Variants in BRINP3 observed in about 807,000 individuals in gnomAD.
The protein encoded by BRINP3 is BMP/retinoic acid-inducible neural-specific protein 3.
BRINP3 carries 19 observed loss-of-function variants against 71.0 expected under a neutral mutation model. The observed-to-expected ratio is 0.27, with a 90% CI of 0.19 to 0.39. The LOEUF (loss-of-function observed/expected upper bound fraction) is 0.39, where lower values mean the gene tolerates loss of function less well. Ranked by LOEUF, BRINP3 falls within the 10% of genes least tolerant of loss-of-function variation. BRINP3 has a pLI of 1.00. For missense variants in BRINP3, 959 were observed against 940.8 expected (o/e 1.02, Z -0.25); for synonymous variants, 380 against 337.7 (o/e 1.13, Z -1.37).
At chr1:190,126,543 C>A (rs755639617) in intron 7 of BRINP3, among the ~76,000 whole-genome samples, 24 of 151,902 alleles carry the variant, frequency 1.6e-4, no homozygotes, top group Non-Finnish European at 2.5e-4. Context: ...AAGCAAGACA[C>A]CTCAGTATTA....
At chr1:190,301,692 G>T (rs1215743573) in intron 2 of BRINP3, among the ~76,000 whole-genome samples, 1 of 151,820 alleles carries the variant, frequency 6.6e-6, no homozygotes, top group Non-Finnish European at 1.5e-5. Context: ...AACTATTTCT[G>T]TGTAATTACA....
chr1:190,249,624 C>T (rs1159768563), intron 4 of BRINP3, among the ~76,000 whole-genome samples: 1 of 151,862 alleles, frequency 6.6e-6, no homozygotes, highest in East Asian at 1.9e-4. Flanking sequence ...TTTACATCAT[C>T]ATTTTCAATG....
Position 190,300,860 on chromosome 1 carries a change from A to C in BRINP3, c.237-19110T>G, listed in dbSNP as rs546815937. On this transcript the variant is annotated intron_variant, in intron 2 of 7. Coordinates refer to ENST00000367462, the MANE Select transcript of BRINP3 (RefSeq NM_199051.3). The stretch of plus-strand genomic sequence containing the variant: ...AGCAGAAAAACTGGAAACTCTAAAA[A>C]GCAGAGCACCTCTCCTCCTCCAAAG... Among the ~76,000 whole-genome samples the C allele has an allele frequency of 7.2e-5, 11 of 152,172 alleles. No individual in the cohort carries two copies. The South Asian group carries it at 8.3e-4, about 11-fold the overall frequency.
At chr1:190,262,659 C>A (rs1661287570) in intron 4 of BRINP3, among the ~76,000 whole-genome samples, 1 of 152,282 alleles carries the variant, frequency 6.6e-6, no homozygotes, top group African/African-American at 2.4e-5. Context: ...AATGGGCATT[C>A]CCCGTGGCCC....
intron 2 of BRINP3, among the ~76,000 whole-genome samples, chr1:190,378,714 T>A (rs1670333305): frequency 6.6e-6 from 1 of 152,162 alleles, no homozygotes; most frequent in South Asian, 2.1e-4. Flanking sequence ...TCCAGTAAAT[T>A]TTTTTGCAAA....
chr1:190,341,166 G>C (rs946943073), intron 2 of BRINP3, among the ~76,000 whole-genome samples: 11 of 151,770 alleles, frequency 7.2e-5, no homozygotes, highest in Non-Finnish European at 1.6e-4. Context: ...AAAGCAATCA[G>C]CCACTAGTTA....
intron 6 of BRINP3, chr1:190,217,168 C>T (rs190247311): frequency 1.3e-5 from 2 of 151,954 alleles, no homozygotes; most frequent in East Asian, 3.9e-4. Flanking sequence ...CACATAATTC[C>T]AAAGCTTTCC....
At chr1:190,404,896 G>A (rs1672161984) in intron 2 of BRINP3, among the ~76,000 whole-genome samples, 1 of 152,002 alleles carries the variant, frequency 6.6e-6, no homozygotes, top group Non-Finnish European at 1.5e-5. Context: ...TTGTCAACTG[G>A]CTTTAATTTC....
At chr1:190,110,606 A>G (rs16832034) in intron 7 of BRINP3, among the ~76,000 whole-genome samples, 13,840 of 152,190 alleles carry the variant, frequency 0.091, 890 homozygotes, top group African/African-American at 0.17. Flanking sequence ...TTAAAGCCAG[A>G]TGACTGTTGG....
chr1:190,129,164 T>A (rs1369832985), intron 7 of BRINP3, among the ~76,000 whole-genome samples: 1 of 151,844 alleles, frequency 6.6e-6, no homozygotes, highest in East Asian at 1.9e-4. Context: ...TCAGTTATTG[T>A]CATCTAAGAA....
chr1:190,155,270 T>C (rs1656766328), intron 7 of BRINP3, among the ~76,000 whole-genome samples: 1 of 152,114 alleles, frequency 6.6e-6, no homozygotes, highest in Admixed American at 6.6e-5. Context: ...AAAATATGAA[T>C]AACTTCATAA....
intron 4 of BRINP3, among the ~76,000 whole-genome samples, chr1:190,253,745 T>C (rs538724872): frequency 8.5e-5 from 13 of 152,218 alleles, no homozygotes; most frequent in Admixed American, 4.6e-4. Flanking sequence ...AGTCTGATAG[T>C]AGTTTCTTTG....
intron 2 of BRINP3, among the ~76,000 whole-genome samples, chr1:190,435,046 A>C: frequency 6.6e-6 from 1 of 152,138 alleles, no homozygotes; most frequent in East Asian, 1.9e-4. Context: ...AAAAAAGTAT[A>C]GTTTGTTTAA....
chr1:190,476,778 A>C (rs983687752), intron 1 of BRINP3, among the ~76,000 whole-genome samples: 8 of 152,206 alleles, frequency 5.3e-5, no homozygotes, highest in Non-Finnish European at 1.0e-4. Flanking sequence ...ACAAAATCAG[A>C]AATGTACTGA....
chr1:190,212,437 C>T (rs1656067946), intron 6 of BRINP3, among the ~76,000 whole-genome samples: 1 of 152,090 alleles, frequency 6.6e-6, no homozygotes, highest in African/African-American at 2.4e-5. Context: ...ACTACAGATA[C>T]ATCTCATTTT....
At chr1:190,344,054 A>G (rs993097187) in intron 2 of BRINP3, among the ~76,000 whole-genome samples, 1 of 151,810 alleles carries the variant, frequency 6.6e-6, no homozygotes, top group African/African-American at 2.4e-5. Context: ...GTGGAGAGCT[A>G]TACAACATAT....
At chr1:190,378,053 G>A (rs374096130) in intron 2 of BRINP3, among the ~76,000 whole-genome samples, 15 of 152,052 alleles carry the variant, frequency 9.9e-5, no homozygotes, top group Admixed American at 5.2e-4. Flanking sequence ...CTCAGGGGAC[G>A]GAATACTGAA....
intron 6 of BRINP3, among the ~76,000 whole-genome samples, chr1:190,184,695 A>G (rs1298113950): frequency 3.9e-5 from 6 of 152,162 alleles, no homozygotes; most frequent in Admixed American, 3.3e-4. Flanking sequence ...TTGGGCACTC[A>G]TGTACATAAA....
intron 1 of BRINP3, among the ~76,000 whole-genome samples, chr1:190,466,914 A>G (rs1676794098): frequency 6.6e-6 from 1 of 151,626 alleles, no homozygotes; most frequent in Non-Finnish European, 1.5e-5. Context: ...AAATTATTGG[A>G]AATGTTTCCA....
Sources: allele counts gnomAD v4.1 joint callset (sites outside exome capture counted in the v4.1 genomes callset), GRCh38; gene constraint gnomAD v4.1.1; transcripts MANE v1.5; gene names NCBI Gene and HGNC (gene_info 2026-07-23, HGNC 2026-07-21).